Variants in POLN observed in about 807,000 individuals in gnomAD.
POLN encodes the protein DNA polymerase N.
POLN carries 108 observed loss-of-function variants against 113.5 expected under a neutral mutation model. The ratio of observed to expected loss-of-function variants is 0.95; its 90% CI spans 0.81 to 1.12. The LOEUF is 1.12. Ranked by LOEUF, POLN falls within the 50% of genes most tolerant of loss-of-function variation. The pLI is 0.00. For missense variants in POLN, 1,097 were observed against 1,077.1 expected (o/e 1.02, Z -0.26); for synonymous variants, 386 against 391.5 (o/e 0.99, Z 0.17).
At chr4:2,102,398 C>T (rs901428992) in intron 19 of POLN, among the ~76,000 whole-genome samples, 32 of 152,180 alleles carry the variant, frequency 2.1e-4, no homozygotes, top group African/African-American at 7.7e-4. Context: ...GCAAGTGCTG[C>T]CTGCTGGCCT....
chr4:2,141,853 C>T (rs1241442282), intron 16 of POLN, among the ~76,000 whole-genome samples: 3 of 152,246 alleles, frequency 2.0e-5, no homozygotes, highest in African/African-American at 4.8e-5. Context: ...GAGACTGCGA[C>T]CCAGCCTGTG....
intron 3 of POLN, among the ~76,000 whole-genome samples, chr4:2,218,401 T>C (rs1042214193): frequency 6.6e-6 from 1 of 151,732 alleles, no homozygotes; most frequent in African/African-American, 2.4e-5. Context: ...GCTGAGATTG[T>C]GCCATTGCAC....
At chr4:2,150,662 T>G (rs2108736844) in intron 16 of POLN, among the ~76,000 whole-genome samples, 2 of 152,288 alleles carry the variant, frequency 1.3e-5, no homozygotes, top group East Asian at 3.9e-4. Context: ...TAGACTGAGT[T>G]CAGAGTACAG....
At chr4:2,081,532 GA>G (rs1730419034) in intron 22 of POLN, 100 bp downstream of exon 22, 2 of 1,144,958 alleles carry the variant, frequency 1.7e-6, no homozygotes, top group African/African-American at 3.1e-5. Context: ...TGATGAGCAG[GA>G]AATACCGCAA....
intron 4 of POLN, among the ~76,000 whole-genome samples, chr4:2,209,413 AG>A (rs969652308): frequency 7.0e-6 from 1 of 143,232 alleles, no homozygotes; most frequent in Non-Finnish European, 1.5e-5. Context: ...TGGAAGGTGG[AG>A]GTTGCAGTGA....
In POLN at chr4:2,208,416, C is replaced by T; in HGVS notation, c.285G>A (p.Arg95=). ...GGTCAGCAGACAGCTGATCTGTGAGCCTGACACTGAAGGACTGAGGAGACA... is the reference window on the plus strand; with the variant it reads ...GGTCAGCAGACAGCTGATCTGTGAGTCTGACACTGAAGGACTGAGGAGACA... The part of the protein sequence containing the change: ...AKLSPQSFSV[R]LTDQLSADQK... The change falls in exon 5 of 26, where the codon AGG becomes AGA. Residue 95 remains arginine, a synonymous_variant. Coordinates refer to ENST00000511885, the MANE Select transcript of POLN (RefSeq NM_181808.4). 1 of 1,607,644 alleles carries T rather than the reference C, an allele frequency of 6.2e-7. No individual in the cohort carries two copies. The highest frequency in any genetic ancestry group is 8.5e-7 in the Non-Finnish European group (1 of 1,178,282).
At chr4:2,136,766 C>T (rs1298671641) in intron 16 of POLN, among the ~76,000 whole-genome samples, 1 of 152,184 alleles carries the variant, frequency 6.6e-6, no homozygotes, top group African/African-American at 2.4e-5. Context: ...GTCTACCTGA[C>T]TGAAGCTCCA....
At chr4:2,174,091 G>A (rs987778051) in intron 10 of POLN, 72 bp from the exon 11 acceptor site, 27 of 1,411,262 alleles carry the variant, frequency 1.9e-5, no homozygotes, top group African/African-American at 1.3e-4. Flanking sequence ...AAAATGCTTC[G>A]CTCCCTGATG....
intron 25 of POLN, 41 bp from the exon 26 acceptor site, chr4:2,072,340 GCC>G: frequency 6.9e-7 from 1 of 1,455,586 alleles, no homozygotes; most frequent in Non-Finnish European, 9.1e-7. Flanking sequence ...GCCTGGGCCA[GCC>G]ACCCCCAGCC....
intron 16 of POLN, among the ~76,000 whole-genome samples, chr4:2,145,454 A>G (rs1222445385): frequency 6.6e-6 from 1 of 152,232 alleles, no homozygotes; most frequent in East Asian, 1.9e-4. Context: ...TTACAAATTA[A>G]TAAGAAAAAG....
At chr4:2,226,958 T>C (rs764939393) in intron 3 of POLN, among the ~76,000 whole-genome samples, 2 of 152,134 alleles carry the variant, frequency 1.3e-5, no homozygotes, top group Admixed American at 1.3e-4. Flanking sequence ...CAACTTTAAT[T>C]TGGATTCATA....
At chr4:2,086,138 C>A (rs1730543814) in intron 20 of POLN, among the ~76,000 whole-genome samples, 1 of 152,062 alleles carries the variant, frequency 6.6e-6, no homozygotes, top group Non-Finnish European at 1.5e-5. Context: ...ACATTTTGTT[C>A]TAGAAGATGC....
intron 13 of POLN, among the ~76,000 whole-genome samples, chr4:2,162,734 G>C (rs1360095521): frequency 1.3e-5 from 2 of 152,028 alleles, no homozygotes; most frequent in African/African-American, 2.4e-5. Flanking sequence ...TGGAATTACA[G>C]GCATGAGCCA....
intron 7 of POLN, among the ~76,000 whole-genome samples, chr4:2,185,967 GA>G (rs1446998381): frequency 6.6e-6 from 1 of 152,074 alleles, no homozygotes; most frequent in Non-Finnish European, 1.5e-5. Flanking sequence ...CTCCTTCACA[GA>G]AAAAGCAAAA....
At chr4:2,119,324 C>T (rs1731387226) in intron 19 of POLN, among the ~76,000 whole-genome samples, 1 of 152,202 alleles carries the variant, frequency 6.6e-6, no homozygotes, top group African/African-American at 2.4e-5. Flanking sequence ...GAGCCAAAGA[C>T]GTGATGGTTC....
chr4:2,132,965 T>C (rs1345963235), intron 16 of POLN, among the ~76,000 whole-genome samples: 1 of 152,152 alleles, frequency 6.6e-6, no homozygotes, highest in Non-Finnish European at 1.5e-5. Context: ...TCAATGGCTT[T>C]TGTAAGCCTT....
intron 19 of POLN, among the ~76,000 whole-genome samples, chr4:2,101,759 G>A (rs142393780): frequency 6.6e-6 from 1 of 152,226 alleles, no homozygotes; most frequent in African/African-American, 2.4e-5. Flanking sequence ...AGCAGAGTGT[G>A]AGCTCCCACA....
rs566255148 is a variant in POLN at position 2,204,109 on chromosome 4, C to CAAAAAAAAAAAAAAAAA, written c.714+3861_714+3877dup. 1.1e-3 allele frequency among the ~76,000 whole-genome samples: 58 copies of CAAAAAAAAAAAAAAAAA among 53,208 alleles called. 1 individual carries two copies. Among genetic ancestry groups the CAAAAAAAAAAAAAAAAA allele is most frequent in the Admixed American group, 1.3e-3 (6 of 4,598 alleles). 34.9% of individuals were successfully genotyped at this position (53,208 alleles called of 152,430 possible). ...GGGTAACAAGAGCAAAACTCTATCACAAAAAAAAAAAAAAAAAAAAAAAAA... is the reference window on the plus strand; with the variant it reads ...GGGTAACAAGAGCAAAACTCTATCACAAAAAAAAAAAAAAAAAAAAAAAAAAAAAAAAAAAAAAAAAA... On this transcript the variant is annotated intron_variant, in intron 5 of 25. Coordinates refer to ENST00000511885, the MANE Select transcript of POLN (RefSeq NM_181808.4).
chr4:2,199,135 T>C (rs1285401188), intron 5 of POLN, among the ~76,000 whole-genome samples: 1 of 152,210 alleles, frequency 6.6e-6, no homozygotes, highest in Non-Finnish European at 1.5e-5. Context: ...TATATTTTTA[T>C]ATTCTAGCAA....
Sources: allele counts gnomAD v4.1 joint callset (sites outside exome capture counted in the v4.1 genomes callset), GRCh38; gene constraint gnomAD v4.1.1; transcripts MANE v1.5; gene names NCBI Gene and HGNC (gene_info 2026-07-23, HGNC 2026-07-21).